Variants in FARP1 observed in about 807,000 individuals in gnomAD.
FARP1 encodes the protein FERM, ARHGEF and pleckstrin domain-containing protein 1.
In FARP1, 52 loss-of-function variants were observed where a neutral mutation model predicts 128.8. The observed-to-expected ratio is 0.40, with a 90% confidence interval of 0.32 to 0.51. FARP1 has a LOEUF of 0.51. Ranked by LOEUF, FARP1 falls within the 20% of genes least tolerant of loss-of-function variation. FARP1 has a pLI of 0.45. For synonymous variants in FARP1, 580 were observed against 551.8 expected (o/e 1.05, Z -0.72); for missense variants, 1,333 against 1,367.9 (o/e 0.97, Z 0.40).
intron 2 of FARP1, among the ~76,000 whole-genome samples, chr13:98,335,988 A>T (rs1887724929): frequency 6.6e-6 from 1 of 152,154 alleles, no homozygotes; most frequent in Non-Finnish European, 1.5e-5. Context: ...AGGAGGTGCA[A>T]ACCTTGTAAA....
At chr13:98,357,135 T>A (rs1234585775) in intron 3 of FARP1, among the ~76,000 whole-genome samples, 1 of 152,180 alleles carries the variant, frequency 6.6e-6, no homozygotes, top group Non-Finnish European at 1.5e-5. Flanking sequence ...TCTTTTTTAA[T>A]CCAGACTAAC....
chr13:98,436,890 G>T (rs1892291130), intron 19 of FARP1, among the ~76,000 whole-genome samples: 1 of 152,202 alleles, frequency 6.6e-6, no homozygotes, highest in South Asian at 2.1e-4. Context: ...ATGCTACATG[G>T]TGAACAGACC....
chr13:98,322,878 C>G (rs1887062508), intron 2 of FARP1, among the ~76,000 whole-genome samples: 1 of 152,126 alleles, frequency 6.6e-6, no homozygotes, highest in East Asian at 1.9e-4. Context: ...AGATGATTTG[C>G]CTAGAAATTT....
intron 2 of FARP1, among the ~76,000 whole-genome samples, chr13:98,256,893 A>G (rs1883615493): frequency 7.1e-6 from 1 of 141,660 alleles, no homozygotes; most frequent in Non-Finnish European, 1.5e-5. Context: ...TTTTACAAGG[A>G]ACAATAATAA....
intron 2 of FARP1, among the ~76,000 whole-genome samples, chr13:98,285,082 A>T (rs1885100689): frequency 6.6e-6 from 1 of 152,204 alleles, no homozygotes; most frequent in Admixed American, 6.5e-5. Context: ...ATTATTATTC[A>T]GTAGCTAAAA....
chr13:98,272,969 A>G (rs1379191216), intron 2 of FARP1, among the ~76,000 whole-genome samples: 2 of 152,224 alleles, frequency 1.3e-5, no homozygotes, highest in African/African-American at 4.8e-5. Flanking sequence ...CTAAAGAGGT[A>G]TATTCTGAGC....
At chr13:98,421,600 A>G (rs900208704) in intron 16 of FARP1, among the ~76,000 whole-genome samples, 2 of 152,214 alleles carry the variant, frequency 1.3e-5, no homozygotes, top group African/African-American at 2.4e-5. Context: ...GCTCATACCT[A>G]TAATCCCAGC....
chr13:98,267,524 A>C (rs565735908), intron 2 of FARP1, among the ~76,000 whole-genome samples: 1 of 152,268 alleles, frequency 6.6e-6, no homozygotes, highest in South Asian at 2.1e-4. Flanking sequence ...CTCTCGGCCT[A>C]TGGAGGGCTG....
intron 1 of FARP1, among the ~76,000 whole-genome samples, chr13:98,178,189 A>ATTT (rs57310501): frequency 8.9e-6 from 1 of 112,988 alleles, no homozygotes; most frequent in Non-Finnish European, 1.8e-5. Flanking sequence ...ATCATTTTTA[A>ATTT]TTTTTTTTTT....
At position 98,303,361 on chromosome 13, in the gene FARP1, A is replaced by G. The variant is rs117005165; in HGVS notation, c.172-40401A>G. Among the ~76,000 whole-genome samples the G allele has an allele frequency of 7.2e-5, 11 of 152,370 alleles. No homozygotes were observed. The East Asian group carries it at 1.2e-3, about 16-fold the overall frequency. On this transcript the variant is annotated intron_variant, in intron 2 of 26. Transcript: ENST00000319562. ...ATGTACTAAAAAGTCATTGAACTGT[A>G]TACTTACAGTAGTTGAATTTTATAG... is the stretch of plus-strand genomic sequence containing the variant.
chr13:98,160,028 T>C (rs1280463386), intron 1 of FARP1, among the ~76,000 whole-genome samples: 1 of 152,244 alleles, frequency 6.6e-6, no homozygotes, highest in South Asian at 2.1e-4. Flanking sequence ...AGATGTACTT[T>C]AGCTTCACCT....
chr13:98,222,578 A>G (rs1005771597), intron 2 of FARP1, among the ~76,000 whole-genome samples: 5 of 151,344 alleles, frequency 3.3e-5, no homozygotes, highest in African/African-American at 7.3e-5. Context: ...ATAATACAAC[A>G]TGTTGGCTGT....
chr13:98,169,581 A>G (rs899026683), intron 1 of FARP1, among the ~76,000 whole-genome samples: 1 of 152,208 alleles, frequency 6.6e-6, no homozygotes, highest in African/African-American at 2.4e-5. Flanking sequence ...AACAACAACA[A>G]GAAACTTTAA....
At chr13:98,424,029 G>GTACC (rs1382118059) in intron 16 of FARP1, among the ~76,000 whole-genome samples, 2 of 152,048 alleles carry the variant, frequency 1.3e-5, no homozygotes, top group East Asian at 3.9e-4. Flanking sequence ...CCCACCTTAG[G>GTACC]TACCATCTCC....
At chr13:98,292,484 G>A (rs1302886661) in intron 2 of FARP1, among the ~76,000 whole-genome samples, 1 of 152,212 alleles carries the variant, frequency 6.6e-6, no homozygotes, top group Non-Finnish European at 1.5e-5. Flanking sequence ...TGGCCAGGCA[G>A]TGCAACATTC....
chr13:98,278,320 AGT>A (rs201291956), intron 2 of FARP1, among the ~76,000 whole-genome samples: 14,945 of 151,788 alleles, frequency 0.098, 1,123 homozygotes, highest in African/African-American at 0.21. Flanking sequence ...GTATACTGCA[AGT>A]GTGTGTATAT....
intron 2 of FARP1, among the ~76,000 whole-genome samples, chr13:98,315,812 G>A (rs754384626): frequency 1.3e-5 from 2 of 152,162 alleles, no homozygotes; most frequent in Non-Finnish European, 2.9e-5. Flanking sequence ...AAGAGCAGTC[G>A]GGCAGTAAGA....
chr13:98,281,692 A>C (rs1383089455), intron 2 of FARP1, among the ~76,000 whole-genome samples: 1 of 152,236 alleles, frequency 6.6e-6, no homozygotes, highest in African/African-American at 2.4e-5. Flanking sequence ...GGTCAACATT[A>C]ATGATGAGTC....
chr13:98,171,225 C>A, intron 1 of FARP1, among the ~76,000 whole-genome samples: 1 of 152,270 alleles, frequency 6.6e-6, no homozygotes, highest in Non-Finnish European at 1.5e-5. Context: ...TTGTGCCTGG[C>A]GTATGTGAGT....
Sources: gnomAD v4.1 joint callset for allele counts (sites outside exome capture counted in the v4.1 genomes callset) on GRCh38, gnomAD v4.1.1 for gene constraint, MANE v1.5 for transcripts, NCBI Gene and HGNC (gene_info 2026-07-23, HGNC 2026-07-21) for gene names.